Variants in MATCAP2 observed in about 807,000 individuals in gnomAD.
The protein encoded by MATCAP2 is microtubule associated tyrosine carboxypeptidase 2, also known as putative tyrosine carboxypeptidase MATCAP2.
the MATCAP2 span, among the ~76,000 whole-genome samples, chr7:36,352,441 T>C: frequency 2.0e-5 from 3 of 151,698 alleles, no homozygotes; most frequent in South Asian, 2.1e-4. Context: ...GCAGCTTTCT[T>C]TTTCAACTCT....
the MATCAP2 span, among the ~76,000 whole-genome samples, chr7:36,348,178 C>T: frequency 6.6e-6 from 1 of 152,118 alleles, no homozygotes; most frequent in South Asian, 2.1e-4. Context: ...TATTCTGGCT[C>T]TTTAAGCTTC....
the MATCAP2 span, chr7:36,336,307 A>G: frequency 6.7e-7 from 1 of 1,501,678 alleles, no homozygotes; most frequent in South Asian, 1.2e-5. Context: ...ACTGTAAAAG[A>G]AAGAGAGATA....
the MATCAP2 span, chr7:36,389,673 T>TG: frequency 4.2e-6 from 1 of 238,848 alleles, no homozygotes; most frequent in Non-Finnish European, 8.0e-6. Flanking sequence ...AGCGCCCCGC[T>TG]GCCCGCCTCC....
chr7:36,331,120 A>AAGT, the MATCAP2 span: 1 of 1,244,524 alleles, frequency 8.0e-7, no homozygotes, highest in Non-Finnish European at 1.2e-6. Flanking sequence ...GATGTTCAGA[A>AAGT]AAATTACTAA....
chr7:36,340,558 T>C, the MATCAP2 span, among the ~76,000 whole-genome samples: 1 of 152,216 alleles, frequency 6.6e-6, no homozygotes, highest in African/African-American at 2.4e-5. Flanking sequence ...CAGCTTTAAA[T>C]ATTACATTAT....
chr7:36,370,627 A>C, the MATCAP2 span, among the ~76,000 whole-genome samples: 6 of 152,086 alleles, frequency 3.9e-5, no homozygotes, highest in African/African-American at 1.4e-4. Flanking sequence ...GATTACAGGC[A>C]TGCGCCACCA....
At chr7:36,363,899 C>T in the MATCAP2 span, among the ~76,000 whole-genome samples, 2 of 152,086 alleles carry the variant, frequency 1.3e-5, no homozygotes, top group Non-Finnish European at 2.9e-5. Flanking sequence ...TTATATTCAG[C>T]TCCTATAGAA....
chr7:36,333,221 T>C, the MATCAP2 span, among the ~76,000 whole-genome samples: 3 of 152,196 alleles, frequency 2.0e-5, no homozygotes, highest in Non-Finnish European at 4.4e-5. Context: ...ACAACATGAA[T>C]GAATTTTGAA....
the MATCAP2 span, among the ~76,000 whole-genome samples, chr7:36,387,538 G>A: frequency 3.3e-5 from 5 of 152,296 alleles, no homozygotes; most frequent in Admixed American, 3.3e-4. Context: ...AGGTATAGTA[G>A]GAGACAATTG....
At chr7:36,363,100 G>C in the MATCAP2 span, among the ~76,000 whole-genome samples, 4 of 152,100 alleles carry the variant, frequency 2.6e-5, no homozygotes, top group Admixed American at 2.0e-4. Flanking sequence ...TGACGGTTGA[G>C]GAAAAAATTA....
chr7:36,368,559 G>A, the MATCAP2 span, among the ~76,000 whole-genome samples: 1 of 152,126 alleles, frequency 6.6e-6, no homozygotes, highest in African/African-American at 2.4e-5. Context: ...CTGGATTATG[G>A]CAGTCTTCTA....
chr7:36,349,471 C>T, the MATCAP2 span, among the ~76,000 whole-genome samples: 20 of 152,146 alleles, frequency 1.3e-4, no homozygotes, highest in Non-Finnish European at 2.8e-4. Flanking sequence ...ATGAATGACA[C>T]AGCCAGGCAA....
the MATCAP2 span, among the ~76,000 whole-genome samples, chr7:36,352,829 A>AT: frequency 1.3e-5 from 2 of 151,716 alleles, no homozygotes; most frequent in Non-Finnish European, 2.9e-5. Context: ...CCATCTCAAA[A>AT]AAAAAAAAAA....
the MATCAP2 span, among the ~76,000 whole-genome samples, chr7:36,387,906 A>G: frequency 6.6e-6 from 1 of 152,168 alleles, no homozygotes; most frequent in Non-Finnish European, 1.5e-5. Context: ...ACACGCCCCA[A>G]ATACATACAC....
chr7:36,352,254 G>A, the MATCAP2 span, among the ~76,000 whole-genome samples: 12 of 151,576 alleles, frequency 7.9e-5, no homozygotes, highest in Middle Eastern at 3.4e-3. Flanking sequence ...AAAAATAGCC[G>A]GGCATGGCAG....
chr7:36,358,576 G>A, the MATCAP2 span, among the ~76,000 whole-genome samples: 98 of 152,304 alleles, frequency 6.4e-4, no homozygotes, highest in African/African-American at 2.2e-3. Flanking sequence ...GGAGAGGGCA[G>A]CTTTGTTTTT....
At chr7:36,384,590 A>G in the MATCAP2 span, among the ~76,000 whole-genome samples, 11 of 152,376 alleles carry the variant, frequency 7.2e-5, no homozygotes, top group East Asian at 2.1e-3. Flanking sequence ...TAAACACATA[A>G]CTAAAATAAT....
chr7:36,363,128 A>G, the MATCAP2 span, among the ~76,000 whole-genome samples: 1 of 152,210 alleles, frequency 6.6e-6, no homozygotes, highest in East Asian at 1.9e-4. Flanking sequence ...AAGGTAAAAG[A>G]AAAATGAAAC....
chr7:36,337,646 CTT>C, the MATCAP2 span: 11 of 151,154 alleles, frequency 7.3e-5, no homozygotes, highest in African/African-American at 1.2e-4. Context: ...GTTTATTACT[CTT>C]ATTATTATTA....
Sources: gnomAD v4.1 joint callset for allele counts (sites outside exome capture counted in the v4.1 genomes callset) on GRCh38, gnomAD v4.1.1 for gene constraint, MANE v1.5 for transcripts, NCBI Gene and HGNC (gene_info 2026-07-23, HGNC 2026-07-21) for gene names.